Variants in TAF4B observed in about 807,000 individuals in gnomAD.
TAF4B encodes transcription initiation factor TFIID subunit 4B.
TAF4B carries 38 observed loss-of-function variants against 86.4 expected under a neutral mutation model. The observed-to-expected ratio is 0.44, with a 90% CI of 0.34 to 0.58. The LOEUF is 0.58. Among genes scored for constraint, TAF4B ranks in the 20% least tolerant of loss-of-function variants. The pLI is 0.02. For missense variants in TAF4B, 988 were observed against 1,027.6 expected, an observed-to-expected ratio of 0.96 and a Z score of 0.53; for synonymous variants, 388 against 391.2, an observed-to-expected ratio of 0.99 and a Z score of 0.10.
chr18:26,346,795 A>ATG (rs1357236234), intron 13 of TAF4B, among the ~76,000 whole-genome samples: 1 of 25,054 alleles, frequency 4.0e-5, no homozygotes, highest in African/African-American at 9.5e-5. Flanking sequence ...ATATATATAT[A>ATG]TATGTGTATA....
chr18:26,304,806 A>G (rs759338993), intron 9 of TAF4B: 2 of 985,312 alleles, frequency 2.0e-6, no homozygotes, highest in Non-Finnish European at 2.4e-6. Flanking sequence ...AAAATGTCTT[A>G]TGCTGTGTAA....
intron 1 of TAF4B, among the ~76,000 whole-genome samples, chr18:26,243,046 C>T (rs190244459): frequency 6.6e-6 from 1 of 152,276 alleles, no homozygotes; most frequent in African/African-American, 2.4e-5. Flanking sequence ...TTTGGTGAAT[C>T]TGACAATTAT....
intron 9 of TAF4B, among the ~76,000 whole-genome samples, chr18:26,312,712 C>T (rs553658167): frequency 6.6e-6 from 1 of 152,146 alleles, no homozygotes; most frequent in African/African-American, 2.4e-5. Flanking sequence ...TTTCCAGGGG[C>T]CTGTGTACCT....
chr18:26,229,964 AATAT>A (rs72151328), intron 1 of TAF4B, among the ~76,000 whole-genome samples: 7 of 149,452 alleles, frequency 4.7e-5, no homozygotes, highest in Non-Finnish European at 8.9e-5. Context: ...TTAAAAAAAA[AATAT>A]ATATATATAT....
chr18:26,363,079 G>A (rs995611554), intron 14 of TAF4B, among the ~76,000 whole-genome samples: 19 of 151,988 alleles, frequency 1.3e-4, no homozygotes, highest in Non-Finnish European at 2.2e-4. Context: ...TTTGGTTTTT[G>A]CTATCTATAT....
intron 9 of TAF4B, among the ~76,000 whole-genome samples, chr18:26,300,675 G>A (rs1365181677): frequency 6.6e-6 from 1 of 151,928 alleles, no homozygotes; most frequent in African/African-American, 2.4e-5. Context: ...AATATCTCAT[G>A]AGCACTTGGG....
chr18:26,334,340 T>C (rs1398038098), intron 12 of TAF4B, among the ~76,000 whole-genome samples: 1 of 152,224 alleles, frequency 6.6e-6, no homozygotes, highest in African/African-American at 2.4e-5. Flanking sequence ...TTTAGTTAGC[T>C]ATCTAGATAT....
chr18:26,382,331 G>T (rs866533710), intron 14 of TAF4B, among the ~76,000 whole-genome samples: 1 of 152,140 alleles, frequency 6.6e-6, no homozygotes, highest in South Asian at 2.1e-4. Context: ...TTGACATGAG[G>T]TTGTCAGCTT....
In TAF4B at chr18:26,304,920, G is replaced by T. The variant is rs78721739; in HGVS notation, c.1833-10309G>T. On this transcript the variant is annotated intron_variant, in intron 9 of 14. Coordinates refer to ENST00000269142, the MANE Select transcript of TAF4B (RefSeq NM_005640.3). Reference sequence around the variant, plus strand: ...ACTTATTACTTTCGCCCATTTATCTGTTGACTACTTATTGCTTTCCAGACT... The same window carrying T: ...ACTTATTACTTTCGCCCATTTATCTTTTGACTACTTATTGCTTTCCAGACT... 4.1e-4 allele frequency: 397 copies of T among 972,628 alleles called. 2 individuals are homozygous for T. In the African/African-American group the frequency reaches 6.7e-3, roughly 16 times the overall value. The allele number at this position is 972,628 out of a possible 1,614,324, so 60.2% of individuals were successfully genotyped here.
Position 26,293,523 on chromosome 18 carries a change from A to G in TAF4B, c.1824A>G (p.Ser608=), listed in dbSNP as rs748959388. 11 of 1,554,864 alleles carry G rather than the reference A, an allele frequency of 7.1e-6. No individual in the cohort carries two copies. Among genetic ancestry groups the G allele is most frequent in the South Asian group, 6.1e-5 (5 of 81,456 alleles). The change falls in exon 9 of 15, where the codon TCA becomes TCG. Residue 608 remains serine (S), a synonymous_variant. Coordinates refer to ENST00000269142, the MANE Select transcript of TAF4B (RefSeq NM_005640.3). ...QKNRIKENVT[S]CFRDEDDIND... is the part of the protein sequence containing the mutation. ...ATAGAATAAAAGAGAATGTAACATC[A>G]TGCTTCCGGTAAGAAAATAAATAGT...
intron 14 of TAF4B, among the ~76,000 whole-genome samples, chr18:26,369,474 C>T (rs960887629): frequency 5.3e-5 from 8 of 152,180 alleles, no homozygotes; most frequent in African/African-American, 1.7e-4. Context: ...GGAACTGTTT[C>T]CCAGATTTCT....
chr18:26,391,219 A>G lies in TAF4B; in HGVS notation c.*1207A>G, dbSNP rs928667005. 2 of 152,066 alleles carry G rather than the reference A, an allele frequency of 1.3e-5. No individual in the cohort carries two copies. Among genetic ancestry groups the G allele is most frequent in the African/African-American group, 4.8e-5 (2 of 41,412 alleles). 9.4% of individuals were successfully genotyped at this position (152,066 alleles called of 1,614,324 possible). Reference sequence around the variant, plus strand: ...GACAAAGCAAACCCTCTTTAAAAAAAAAAAAAAGAAAATTCCACGTGTGTG... The same window carrying G: ...GACAAAGCAAACCCTCTTTAAAAAAGAAAAAAAGAAAATTCCACGTGTGTG... On this transcript the variant is annotated 3_prime_UTR_variant, in exon 15 of 15. Coordinates refer to ENST00000269142, the MANE Select transcript of TAF4B (RefSeq NM_005640.3).
At chr18:26,369,781 G>A (rs957388236) in intron 14 of TAF4B, among the ~76,000 whole-genome samples, 1 of 152,186 alleles carries the variant, frequency 6.6e-6, no homozygotes, top group Non-Finnish European at 1.5e-5. Context: ...CAAATCTCTG[G>A]TAATGCCATA....
At chr18:26,343,802 G>A (rs903624505) in intron 13 of TAF4B, among the ~76,000 whole-genome samples, 1 of 152,072 alleles carries the variant, frequency 6.6e-6, no homozygotes, top group Admixed American at 6.5e-5. Context: ...CATGGATTTT[G>A]GTGTACCTCG....
Position 26,388,538 on chromosome 18 carries a change from C to G in TAF4B, c.2422-1307C>G, listed in dbSNP as rs78618346. On this transcript the variant is annotated intron_variant, in intron 14 of 14. Coordinates refer to ENST00000269142, the MANE Select transcript of TAF4B (RefSeq NM_005640.3). ...GCATATACAAATTACTATAGTACAACGTAAGGTAATTGCCACAGTGAGATT... is the reference window on the plus strand; with the variant it reads ...GCATATACAAATTACTATAGTACAAGGTAAGGTAATTGCCACAGTGAGATT... 2.0e-4 allele frequency among the ~76,000 whole-genome samples: 30 copies of G among 152,286 alleles called. No individual in the cohort carries two copies. The East Asian group carries it at 5.8e-3, about 29-fold the overall frequency.
At chr18:26,321,411 A>G (rs1195218123) in intron 11 of TAF4B, among the ~76,000 whole-genome samples, 1 of 152,160 alleles carries the variant, frequency 6.6e-6, no homozygotes, top group Non-Finnish European at 1.5e-5. Context: ...CTTCTGTGTC[A>G]CTGTAGATTG....
chr18:26,334,703 A>G (rs1252341949), intron 12 of TAF4B, among the ~76,000 whole-genome samples: 2 of 152,210 alleles, frequency 1.3e-5, no homozygotes, highest in Non-Finnish European at 2.9e-5. Flanking sequence ...TTTAGAAATT[A>G]TACCTTTAAA....
chr18:26,332,336 T>G (rs1254836296), intron 12 of TAF4B, among the ~76,000 whole-genome samples: 2 of 152,212 alleles, frequency 1.3e-5, no homozygotes, highest in Admixed American at 1.3e-4. Flanking sequence ...TTCTTTCCAG[T>G]CAGTCTCTTC....
intron 11 of TAF4B, among the ~76,000 whole-genome samples, chr18:26,323,963 T>G (rs1470603385): frequency 6.6e-6 from 1 of 152,200 alleles, no homozygotes; most frequent in Admixed American, 6.5e-5. Context: ...TCTGTATGCC[T>G]TATAAGTTTT....
Sources: gnomAD v4.1 joint callset for allele counts (sites outside exome capture counted in the v4.1 genomes callset) on GRCh38, gnomAD v4.1.1 for gene constraint, MANE v1.5 for transcripts, NCBI Gene and HGNC (gene_info 2026-07-23, HGNC 2026-07-21) for gene names.